The following DLG2 variants were observed in gnomAD, a reference collection of about 807,000 sequenced individuals.
DLG2 encodes disks large homolog 2.
A neutral mutation model predicts 132.5 loss-of-function variants in DLG2; 45 were observed. The ratio of observed to expected loss-of-function variants is 0.34; its 90% CI spans 0.27 to 0.44. DLG2 has a LOEUF of 0.44. Ranked by LOEUF, DLG2 falls within the 20% of genes least tolerant of loss-of-function variation. The pLI, the probability that DLG2 is intolerant of heterozygous loss-of-function variation, is 1.00. For synonymous variants in DLG2, 424 were observed against 419.6 expected, an observed-to-expected ratio of 1.01 and a Z score of -0.13; for missense variants, 1,045 against 1,196.9, an observed-to-expected ratio of 0.87 and a Z score of 1.87.
chr11:84,964,056 A>C (rs1015413244), intron 6 of DLG2, among the ~76,000 whole-genome samples: 1 of 152,150 alleles, frequency 6.6e-6, no homozygotes, highest in Non-Finnish European at 1.5e-5. Flanking sequence ...GCTTTCTGGA[A>C]TCACTCTTAG....
At position 84,080,560 on chromosome 11, in the gene DLG2, T is replaced by G. The variant is rs983159385; in HGVS notation, c.749+18363A>C. On this transcript the variant is annotated intron_variant, in intron 10 of 27. Coordinates refer to ENST00000376104, the MANE Select transcript of DLG2 (RefSeq NM_001142699.3). ...TCTAAAATACATGTTACATTATTAT[T>G]ATGATGATGTATATTATTATGTATA... Among the ~76,000 whole-genome samples the G allele has an allele frequency of 3.3e-5, 5 of 152,338 alleles. No homozygotes were observed. The East Asian group carries it at 7.7e-4, about 23-fold the overall frequency.
chr11:83,539,291 G>T (rs1219570717), intron 20 of DLG2, among the ~76,000 whole-genome samples: 1 of 151,964 alleles, frequency 6.6e-6, no homozygotes, highest in African/African-American at 2.4e-5. Flanking sequence ...AAACATTTTT[G>T]AAAAGGATAT....
intron 19 of DLG2, among the ~76,000 whole-genome samples, chr11:83,588,227 T>A (rs2097126351): frequency 6.6e-6 from 1 of 151,382 alleles, no homozygotes; most frequent in South Asian, 2.1e-4. Context: ...CAGACTTAAA[T>A]GTCCCTGTCT....
chr11:85,029,970 G>A (rs111552165), intron 6 of DLG2, among the ~76,000 whole-genome samples: 2 of 152,088 alleles, frequency 1.3e-5, no homozygotes, highest in African/African-American at 2.4e-5. Flanking sequence ...GGCAAAGAGC[G>A]AGCTGTAACC....
intron 7 of DLG2, among the ~76,000 whole-genome samples, chr11:84,264,054 GT>G (rs1466797424): frequency 1.3e-5 from 2 of 152,046 alleles, no homozygotes; most frequent in East Asian, 3.9e-4. Flanking sequence ...CAAAATTAAT[GT>G]TCAATTTGGA....
intron 6 of DLG2, among the ~76,000 whole-genome samples, chr11:84,579,390 A>T (rs1315883271): frequency 6.6e-6 from 1 of 152,190 alleles, no homozygotes; most frequent in Non-Finnish European, 1.5e-5. Flanking sequence ...GAGAAGCAGT[A>T]AAAAAACTAC....
intron 14 of DLG2, among the ~76,000 whole-genome samples, chr11:83,958,842 T>C (rs942860357): frequency 1.4e-4 from 21 of 152,248 alleles, no homozygotes; most frequent in African/African-American, 4.8e-4. Flanking sequence ...ATAGTGCACA[T>C]ATACATGGGC....
intron 3 of DLG2, among the ~76,000 whole-genome samples, chr11:85,490,355 C>T (rs1480593537): frequency 6.6e-6 from 1 of 151,692 alleles, no homozygotes; most frequent in Non-Finnish European, 1.5e-5. Context: ...ACTTAACAAT[C>T]TAACAACTAG....
At chr11:83,842,775 C>G (rs939815903) in intron 16 of DLG2, among the ~76,000 whole-genome samples, 13 of 147,996 alleles carry the variant, frequency 8.8e-5, no homozygotes, top group African/African-American at 3.0e-4. Flanking sequence ...GAGATCACGC[C>G]ACTGCACTCC....
chr11:83,793,489 G>T (rs1018814139), intron 17 of DLG2, among the ~76,000 whole-genome samples: 2 of 152,138 alleles, frequency 1.3e-5, no homozygotes, highest in Non-Finnish European at 2.9e-5. Context: ...CAATTTCTTG[G>T]ACGTTTCCTT....
chr11:83,689,893 CATAAAT>C (rs1253766135), intron 18 of DLG2, among the ~76,000 whole-genome samples: 1 of 143,380 alleles, frequency 7.0e-6, no homozygotes, highest in East Asian at 2.0e-4. Flanking sequence ...TTGATATTTA[CATAAAT>C]ATATTTATGT....
Position 85,551,081 on chromosome 11 carries a change from AG to A in DLG2, c.40+47575del, listed in dbSNP as rs1292113923. 4.3e-4 allele frequency among the ~76,000 whole-genome samples: 66 copies of A among 152,378 alleles called. 1 individual carries two copies. The highest frequency in any genetic ancestry group is 1.6e-3 in the African/African-American group (65 of 41,592). On this transcript the variant is annotated intron_variant, in intron 3 of 27. Coordinates refer to ENST00000376104, the MANE Select transcript of DLG2 (RefSeq NM_001142699.3). ...CCATTATCAAAATATGAGGTAAAGG[AG>A]GAAGTGAGGTAAACCAGATATATGT...
chr11:84,002,911 C>G (rs1325370157), intron 11 of DLG2, among the ~76,000 whole-genome samples: 2 of 152,194 alleles, frequency 1.3e-5, no homozygotes, highest in Non-Finnish European at 2.9e-5. Context: ...CTTTTATGCT[C>G]TGTTTCCCTT....
chr11:84,501,951 G>A (rs1418308809), intron 7 of DLG2, among the ~76,000 whole-genome samples: 1 of 152,052 alleles, frequency 6.6e-6, no homozygotes, highest in African/African-American at 2.4e-5. Flanking sequence ...CCCAAGCAAT[G>A]CTGTGAACCT....
chr11:85,561,597 C>G (rs1598532427), intron 3 of DLG2, among the ~76,000 whole-genome samples: 1 of 151,578 alleles, frequency 6.6e-6, no homozygotes, highest in East Asian at 1.9e-4. Context: ...TGGCAATAAC[C>G]AATTATTTGA....
At chr11:85,423,103 G>C (rs529965474) in intron 3 of DLG2, among the ~76,000 whole-genome samples, 3 of 152,270 alleles carry the variant, frequency 2.0e-5, no homozygotes, top group African/African-American at 7.2e-5. Context: ...GCTGAAGGCT[G>C]TTGTTCAGAT....
At chr11:83,727,933 T>C (rs1009155163) in intron 18 of DLG2, among the ~76,000 whole-genome samples, 7 of 152,218 alleles carry the variant, frequency 4.6e-5, no homozygotes, top group Admixed American at 1.3e-4. Flanking sequence ...AGTCATACTA[T>C]AGATTGGAGA....
At chr11:84,230,883 T>G (rs1046533282) in intron 8 of DLG2, among the ~76,000 whole-genome samples, 1 of 152,126 alleles carries the variant, frequency 6.6e-6, no homozygotes, top group Non-Finnish European at 1.5e-5. Flanking sequence ...TTGGTTATAG[T>G]GGAAATACAA....
At chr11:84,086,749 C>T (rs2096989257) in intron 10 of DLG2, among the ~76,000 whole-genome samples, 1 of 152,144 alleles carries the variant, frequency 6.6e-6, no homozygotes, top group African/African-American at 2.4e-5. Context: ...CTTAGCCTCC[C>T]AAGGTGCTGG....
Sources: gnomAD v4.1 joint callset for allele counts (sites outside exome capture counted in the v4.1 genomes callset) on GRCh38, gnomAD v4.1.1 for gene constraint, MANE v1.5 for transcripts, NCBI Gene and HGNC (gene_info 2026-07-23, HGNC 2026-07-21) for gene names.